The following MAML3 variants were observed in gnomAD, a reference collection of about 807,000 sequenced individuals.
MAML3 encodes mastermind-like protein 3.
A neutral mutation model predicts 101.9 loss-of-function variants in MAML3; 27 were observed. The ratio of observed to expected loss-of-function variants is 0.27; its 90% CI spans 0.20 to 0.37. MAML3 has a LOEUF of 0.37. Ranked by LOEUF, MAML3 falls within the 10% of genes least tolerant of loss-of-function variation. MAML3 has a pLI of 1.00. For missense variants in MAML3, 1,316 were observed against 1,444.9 expected (o/e 0.91, Z 1.45); for synonymous variants, 501 against 555.9 (o/e 0.90, Z 1.39).
chr4:139,996,980 C>T (rs1464231865), intron 1 of MAML3, among the ~76,000 whole-genome samples: 2 of 151,890 alleles, frequency 1.3e-5, no homozygotes, highest in East Asian at 1.9e-4. Flanking sequence ...TCGCTTGAAC[C>T]AGGAAGTCAG....
chr4:139,752,842 T>C (rs1270167951), intron 2 of MAML3, among the ~76,000 whole-genome samples: 1 of 152,160 alleles, frequency 6.6e-6, no homozygotes, highest in Non-Finnish European at 1.5e-5. Flanking sequence ...ATAACCATAG[T>C]TCTTCAGGCT....
chr4:139,902,770 T>C (rs1732752383), intron 1 of MAML3, among the ~76,000 whole-genome samples: 1 of 152,216 alleles, frequency 6.6e-6, no homozygotes, highest in South Asian at 2.1e-4. Context: ...ACTGTTGTTA[T>C]AGCAACAGTC....
At chr4:140,076,428 G>A (rs1247538454) in intron 1 of MAML3, among the ~76,000 whole-genome samples, 2 of 152,094 alleles carry the variant, frequency 1.3e-5, no homozygotes, top group African/African-American at 4.8e-5. Flanking sequence ...AGGATAAGGT[G>A]TGAGCACGAA....
intron 1 of MAML3, among the ~76,000 whole-genome samples, chr4:140,042,772 G>A (rs9917873): frequency 0.036 from 5,451 of 152,230 alleles, 195 homozygotes; most frequent in African/African-American, 0.088. Flanking sequence ...AAGGGACTGC[G>A]GAGCTTCCTG....
At chr4:139,901,583 C>A (rs1244456081) in intron 1 of MAML3, among the ~76,000 whole-genome samples, 1 of 152,090 alleles carries the variant, frequency 6.6e-6, no homozygotes, top group Non-Finnish European at 1.5e-5. Flanking sequence ...TAAAGAAATG[C>A]CGGTAAAGGA....
intron 1 of MAML3, chr4:140,133,031 A>G (rs1399431714): frequency 3.6e-5 from 15 of 411,358 alleles, no homozygotes; most frequent in Non-Finnish European, 4.8e-6. Flanking sequence ...TTATTTTGAT[A>G]CCTGTATTTA....
chr4:139,989,570 A>T (rs1734619407), intron 1 of MAML3, among the ~76,000 whole-genome samples: 1 of 151,996 alleles, frequency 6.6e-6, no homozygotes, highest in African/African-American at 2.4e-5. Context: ...TGAGTCATGG[A>T]GCCCACAGGA....
At chr4:140,026,308 G>A (rs1726822882) in intron 1 of MAML3, among the ~76,000 whole-genome samples, 1 of 152,126 alleles carries the variant, frequency 6.6e-6, no homozygotes, top group South Asian at 2.1e-4. Flanking sequence ...AGGCTGGAGT[G>A]CAGTGGCGTG....
chr4:140,045,394 CAAAAA>C (rs3081944), intron 1 of MAML3, among the ~76,000 whole-genome samples: 2 of 98,728 alleles, frequency 2.0e-5, no homozygotes, highest in East Asian at 3.4e-4. Context: ...GACTCCAACT[CAAAAA>C]AAAAAAAAAA....
intron 2 of MAML3, among the ~76,000 whole-genome samples, chr4:139,844,396 C>G (rs148769053): frequency 6.6e-6 from 1 of 152,140 alleles, no homozygotes; most frequent in Non-Finnish European, 1.5e-5. Flanking sequence ...CAATTAGATG[C>G]CACTGTTTAG....
intron 1 of MAML3, among the ~76,000 whole-genome samples, chr4:140,076,940 A>T (rs1727778023): frequency 6.6e-6 from 1 of 152,020 alleles, no homozygotes; most frequent in Admixed American, 6.5e-5. Context: ...CCAAGGCTGG[A>T]GTGCAGTGGC....
chr4:139,887,075 T>C (rs1028177665), intron 2 of MAML3, among the ~76,000 whole-genome samples: 1 of 152,208 alleles, frequency 6.6e-6, no homozygotes, highest in Admixed American at 6.5e-5. Flanking sequence ...GAACTAAACC[T>C]ATGTATAATT....
chr4:140,143,626 T>C, intron 1 of MAML3, among the ~76,000 whole-genome samples: 1 of 152,174 alleles, frequency 6.6e-6, no homozygotes, highest in East Asian at 1.9e-4. Flanking sequence ...CCGGGCGTGG[T>C]GGCGGGTGCC....
In MAML3 at chr4:140,002,522, A is replaced by G. The variant is rs140110702; in HGVS notation, c.469-111555T>C. On this transcript the variant is annotated intron_variant, in intron 1 of 4. Transcript: ENST00000509479. ...TCAACTTTCTATCAAATTTATTTTCATGATACATTTGTAAATGTTCAGAAG... is the reference window on the plus strand; with the variant it reads ...TCAACTTTCTATCAAATTTATTTTCGTGATACATTTGTAAATGTTCAGAAG... 6.5e-3 allele frequency among the ~76,000 whole-genome samples: 996 copies of G among 152,358 alleles called. 6 individuals are homozygous for G. Among genetic ancestry groups the G allele is most frequent in the Non-Finnish European group, 9.8e-3 (665 of 68,032 alleles).
intron 2 of MAML3, among the ~76,000 whole-genome samples, chr4:139,826,934 AAAT>A (rs1284930323): frequency 1.5e-5 from 1 of 65,706 alleles, no homozygotes; most frequent in Non-Finnish European, 4.1e-5. Context: ...AAATGAAATA[AAAT>A]AAGAAACAAT....
chr4:139,859,879 A>G (rs927991821), intron 2 of MAML3, among the ~76,000 whole-genome samples: 1 of 152,196 alleles, frequency 6.6e-6, no homozygotes, highest in Admixed American at 6.5e-5. Context: ...TTAAACGTGT[A>G]AAGATTTTTT....
At chr4:139,783,389 T>C (rs1481833992) in intron 2 of MAML3, among the ~76,000 whole-genome samples, 2 of 152,194 alleles carry the variant, frequency 1.3e-5, no homozygotes, top group Non-Finnish European at 2.9e-5. Flanking sequence ...ACATCATTCA[T>C]GTGAAGGCTG....
At chr4:139,922,773 G>C (rs956911112) in intron 1 of MAML3, among the ~76,000 whole-genome samples, 3 of 152,146 alleles carry the variant, frequency 2.0e-5, no homozygotes, top group Non-Finnish European at 4.4e-5. Context: ...ATGCTCACGT[G>C]GTGCCATCCA....
At chr4:139,763,249 CT>C (rs1172536589) in intron 2 of MAML3, among the ~76,000 whole-genome samples, 1 of 152,164 alleles carries the variant, frequency 6.6e-6, no homozygotes, top group Non-Finnish European at 1.5e-5. Context: ...CATTCTTTTC[CT>C]TTGTCAAGTC....
Sources: gnomAD v4.1 joint callset for allele counts (sites outside exome capture counted in the v4.1 genomes callset) on GRCh38, gnomAD v4.1.1 for gene constraint, MANE v1.5 for transcripts, NCBI Gene and HGNC (gene_info 2026-07-23, HGNC 2026-07-21) for gene names.